Variants in SOX8 observed in about 807,000 individuals in gnomAD.
SOX8 encodes transcription factor SOX-8.
A neutral mutation model predicts 22.9 loss-of-function variants in SOX8; 9 were observed. The ratio of observed to expected loss-of-function variants is 0.39; its 90% CI spans 0.24 to 0.69. The LOEUF is 0.69. Among genes scored for constraint, SOX8 ranks in the 30% least tolerant of loss-of-function variants. The pLI is 0.43. For missense variants in SOX8, 734 were observed against 699.4 expected (o/e 1.05, Z -0.56); for synonymous variants, 416 against 330.6 (o/e 1.26, Z -2.80).
At chr16:982,460 C>G in intron 1 of SOX8, 116 bp downstream of exon 1, 1 of 1,110,202 alleles carries the variant, frequency 9.0e-7, no homozygotes, top group Non-Finnish European at 1.2e-6. Flanking sequence ...CACGCAGGCT[C>G]CGGGCTCTGC....
chr16:982,019 C>T lies in SOX8; in HGVS notation c.97C>T (p.Pro33Ser). The change falls in exon 1 of 3, where the codon CCG (proline) becomes TCG (serine). Residue 33 changes from proline (P) to serine (S), a missense_variant. Coordinates refer to ENST00000293894, the MANE Select transcript of SOX8 (RefSeq NM_014587.5). ...SHVEDSDSDAPPSPAGSEGLG... is the reference protein window; with the variant it reads ...SHVEDSDSDASPSPAGSEGLG... ...CGTGGAGGACTCGGACTCGGACGCG[C>T]CGCCGTCTCCCGCCGGCTCCGAGGG... The T allele has an allele frequency of 7.2e-7, 1 of 1,388,448 alleles. No homozygotes were observed. The highest frequency in any genetic ancestry group is 3.2e-5 in the East Asian group (1 of 31,500). The allele number at this position is 1,388,448 out of a possible 1,614,324, so 86.0% of individuals were successfully genotyped here.
rs1393811380 is a variant in SOX8, at chr16:985,200, C to T, written c.1155C>T (p.Asp385=). ...PFAGSQGDYG[D]LQASSYYGAY... is the part of the protein sequence containing the mutation. ...CCGGCTCACAGGGCGACTATGGCGA[C>T]CTGCAGGCCTCCAGCTACTATGGTG... The change falls in exon 3 of 3, where the codon GAC becomes GAT. Residue 385 remains aspartate (D), a synonymous_variant. Transcript: ENST00000293894. 3.7e-6 allele frequency: 6 copies of T among 1,611,696 alleles called. No individual in the cohort carries two copies. The highest frequency in any genetic ancestry group is 1.7e-5 in the Admixed American group (1 of 59,966).
chr16:985,511 A>G lies in SOX8; in HGVS notation c.*125A>G, dbSNP rs2073452291. On this transcript the variant is annotated 3_prime_UTR_variant, in exon 3 of 3. Transcript: ENST00000293894. ...CAAGTGCCTGCTGAAGTCTGCAGGG[A>G]AACACGCTTGCTGCCCGTGGCCCTC... 9 of 789,240 alleles carry G rather than the reference A, an allele frequency of 1.1e-5. No individual in the cohort carries two copies. The highest frequency in any genetic ancestry group is 1.7e-5 in the Non-Finnish European group (9 of 522,106). 48.9% of individuals were successfully genotyped at this position (789,240 alleles called of 1,614,324 possible).
Position 984,751 on chromosome 16 carries a change from C to G in SOX8, c.706C>G (p.Gln236Glu). Residue 236 changes from glutamine (Q) to glutamate (E), a missense_variant, in exon 3 of 3, where the codon CAG becomes GAG. Gln to Glu is a conservative substitution (Grantham distance 29, BLOSUM62 2). Around this residue, in one of 3 missense-constraint regions of SOX8, gnomAD observed 588 missense variants for 568.2 expected, o/e 1.03. Coordinates refer to ENST00000293894, the MANE Select transcript of SOX8 (RefSeq NM_014587.5). ...TPPTTPKTEL[Q>E]QAGAKPELKL... is the part of the protein sequence containing the mutation. The stretch of plus-strand genomic sequence containing the variant: ...GCCCACCACCCCCAAGACGGAGCTG[C>G]AGCAGGCGGGCGCCAAGCCGGAGCT... 1.3e-6 allele frequency: 2 copies of G among 1,581,826 alleles called. No homozygotes were observed. The highest frequency in any genetic ancestry group is 1.7e-6 in the Non-Finnish European group (2 of 1,164,956).
rs778796112 is a variant in SOX8 at position 985,078 on chromosome 16, C to T, written c.1033C>T (p.Pro345Ser). ...GCACATCAAGACGGAGCAGCCGAGC[C>T]CCGGCCACTACGGCGACCAGCCCCG... ...RPHIKTEQPSPGHYGDQPRGS... is the reference protein window; with the variant it reads ...RPHIKTEQPSSGHYGDQPRGS... The change falls in exon 3 of 3, where the codon CCC becomes TCC. Residue 345 changes from proline (P) to serine (S), a missense_variant. Pro to Ser is a moderately conservative substitution (Grantham distance 74, BLOSUM62 -1). This residue lies in a region of SOX8 where 588 missense variants were observed against 568.2 expected (regional missense o/e 1.03). Transcript: ENST00000293894. 4.4e-6 allele frequency: 7 copies of T among 1,589,028 alleles called. No individual in the cohort carries two copies. The South Asian group carries it at 7.8e-5, about 18-fold the overall frequency.
Position 985,500 on chromosome 16 carries a change from A to C in SOX8, c.*114A>C. On this transcript the variant is annotated 3_prime_UTR_variant, in exon 3 of 3. Transcript: ENST00000293894. ...TGGCTGAGCTCCAAGTGCCTGCTGA[A>C]GTCTGCAGGGAAACACGCTTGCTGC... The C allele has an allele frequency of 2.3e-6, 2 of 866,856 alleles. No individual in the cohort carries two copies. The highest frequency in any genetic ancestry group is 3.4e-6 in the Non-Finnish European group (2 of 588,780). 53.7% of individuals were successfully genotyped at this position (866,856 alleles called of 1,614,324 possible).
chr16:985,832 C>CG lies in SOX8; in HGVS notation c.*449dup. The CG allele has an allele frequency of 6.1e-6, 1 of 164,696 alleles. No homozygotes were observed. The highest frequency in any genetic ancestry group is 1.8e-4 in the East Asian group (1 of 5,596). The allele number at this position is 164,696 out of a possible 1,614,324, so 10.2% of individuals were successfully genotyped here. On this transcript the variant is annotated 3_prime_UTR_variant, in exon 3 of 3. Coordinates refer to ENST00000293894, the MANE Select transcript of SOX8 (RefSeq NM_014587.5). Reference sequence around the variant, plus strand: ...CCACATTCCCTCGACAACGGCTGCACGGGCTGTCCGGGATCCGGGGTGTCT... The same window carrying CG: ...CCACATTCCCTCGACAACGGCTGCACGGGGCTGTCCGGGATCCGGGGTGTCT...
At position 985,454 on chromosome 16, in the gene SOX8, C is replaced by A; in HGVS notation, c.*68C>A. 7.4e-7 allele frequency: 1 copy of A among 1,359,578 alleles called. No homozygotes were observed. The highest frequency in any genetic ancestry group is 9.8e-7 in the Non-Finnish European group (1 of 1,021,324). The allele number at this position is 1,359,578 out of a possible 1,614,324, so 84.2% of individuals were successfully genotyped here. ...CCTTGTCCCGGCCCAGTGTGTGTGACCAGGGCGGGAGGGGCCCCAGTGGCT... is the reference window on the plus strand; with the variant it reads ...CCTTGTCCCGGCCCAGTGTGTGTGAACAGGGCGGGAGGGGCCCCAGTGGCT... On this transcript the variant is annotated 3_prime_UTR_variant, in exon 3 of 3. Coordinates refer to ENST00000293894, the MANE Select transcript of SOX8 (RefSeq NM_014587.5).
At chr16:982,619 T>G in intron 1 of SOX8, 2 of 354,362 alleles carry the variant, frequency 5.6e-6, no homozygotes, top group Non-Finnish European at 1.0e-5. Flanking sequence ...CCAGTTCTCC[T>G]GGCGGGGAAC....
At position 982,123 on chromosome 16, in the gene SOX8, C is replaced by T. The variant is rs1289198148; in HGVS notation, c.201C>T (p.Cys67=). 2.1e-6 allele frequency: 3 copies of T among 1,418,802 alleles called. No individual in the cohort carries two copies. Among genetic ancestry groups the T allele is most frequent in the East Asian group, 6.1e-5 (2 of 32,998 alleles). 87.9% of individuals were successfully genotyped at this position (1,418,802 alleles called of 1,614,324 possible). A position where few individuals can be genotyped will look rare whatever the true frequency, so the allele number is the denominator to read the frequency against. ...CGGCGGACGAGCGCTTCCCGGCCTG[C>T]ATCCGCGACGCCGTGTCGCAGGTGC... ...AEAADERFPA[C]IRDAVSQVLK... Residue 67 remains cysteine (C), a synonymous_variant, in exon 1 of 3, where the codon TGC becomes TGT. Transcript: ENST00000293894.
Position 986,979 on chromosome 16 carries a change from A to C in SOX8, c.*1593A>C, listed in dbSNP as rs1237438578. The C allele has an allele frequency of 6.6e-6, 1 of 152,246 alleles. No homozygotes were observed. Among genetic ancestry groups the C allele is most frequent in the African/African-American group, 2.4e-5 (1 of 41,466 alleles). 9.4% of individuals were successfully genotyped at this position (152,246 alleles called of 1,614,324 possible). A position where few individuals can be genotyped will look rare whatever the true frequency, so the allele number is the denominator to read the frequency against. On this transcript the variant is annotated 3_prime_UTR_variant, in exon 3 of 3. Transcript: ENST00000293894. Reference sequence around the variant, plus strand: ...AAATTAAACAAAGTGCTTTTTATGGACGTGGGCTGCATTTTGTGTGTTGCT... The same window carrying C: ...AAATTAAACAAAGTGCTTTTTATGGCCGTGGGCTGCATTTTGTGTGTTGCT...
At position 983,858 on chromosome 16, in the gene SOX8, G is replaced by T; in HGVS notation, c.553G>T (p.Asp185Tyr). 1 of 1,612,450 alleles carries T rather than the reference G, an allele frequency of 6.2e-7. No homozygotes were observed. Reference protein sequence around the residue: ...RRKSAKAGHSDSDSGAELGPH... With the variant: ...RRKSAKAGHSYSDSGAELGPH... ...GAAGAGCGCCAAAGCCGGCCACAGC[G>T]ACTCCGACTCGGGCGCGGAGCTGGG... is the stretch of plus-strand genomic sequence containing the variant. Residue 185 changes from aspartate to tyrosine, a missense_variant, in exon 2 of 3, where the codon GAC becomes TAC. Around this residue, in one of 3 missense-constraint regions of SOX8, gnomAD observed 588 missense variants for 568.2 expected, o/e 1.03. Transcript: ENST00000293894.
Position 981,869 on chromosome 16 carries a change from G to T in SOX8, c.-54G>T, listed in dbSNP as rs2151518980. 2 of 1,104,220 alleles carry T rather than the reference G, an allele frequency of 1.8e-6. No individual in the cohort carries two copies. Among genetic ancestry groups the T allele is most frequent in the Non-Finnish European group, 1.1e-6 (1 of 901,550 alleles). 68.4% of individuals were successfully genotyped at this position (1,104,220 alleles called of 1,614,324 possible). On this transcript the variant is annotated 5_prime_UTR_variant, in exon 1 of 3. Coordinates refer to ENST00000293894, the MANE Select transcript of SOX8 (RefSeq NM_014587.5). ...CCCGGAGCGACCGCAGGGCAGCCCC[G>T]GGCGCCGGCCCCGGTGCGCGTCTCC...
rs1306624273 is a variant in SOX8 at position 982,158 on chromosome 16, A to G, written c.236A>G (p.Tyr79Cys). 4.0e-6 allele frequency: 6 copies of G among 1,490,674 alleles called. No homozygotes were observed. The highest frequency in any genetic ancestry group is 2.2e-5 in the Admixed American group (1 of 46,124). The allele number at this position is 1,490,674 out of a possible 1,614,324, so 92.3% of individuals were successfully genotyped here. ...RDAVSQVLKG[Y>C]DWSLVPMPVR... The stretch of plus-strand genomic sequence containing the variant: ...GCCGTGTCGCAGGTGCTCAAGGGCT[A>G]CGACTGGAGTCTGGTGCCCATGCCG... Residue 79 changes from tyrosine to cysteine, a missense_variant, in exon 1 of 3, where the codon TAC becomes TGC. Physicochemically the swap from Tyr to Cys is radical, Grantham distance 194 (BLOSUM62 -2). Around this residue, in one of 3 missense-constraint regions of SOX8, gnomAD observed 588 missense variants for 568.2 expected, o/e 1.03. Coordinates refer to ENST00000293894, the MANE Select transcript of SOX8 (RefSeq NM_014587.5).
chr16:985,845 A>G lies in SOX8; in HGVS notation c.*459A>G, dbSNP rs2073456715. On this transcript the variant is annotated 3_prime_UTR_variant, in exon 3 of 3. Transcript: ENST00000293894. ...ACAACGGCTGCACGGGCTGTCCGGG[A>G]TCCGGGGTGTCTGTCCGCAGACTGG... 1 of 162,464 alleles carries G rather than the reference A, an allele frequency of 6.2e-6. No individual in the cohort carries two copies. Among genetic ancestry groups the G allele is most frequent in the Non-Finnish European group, 1.3e-5 (1 of 75,482 alleles). 10.1% of individuals were successfully genotyped at this position (162,464 alleles called of 1,614,324 possible).
chr16:984,088 G>C (rs1437171442), intron 2 of SOX8, 128 bp downstream of exon 2: 5 of 876,254 alleles, frequency 5.7e-6, no homozygotes, highest in Admixed American at 6.7e-5. Flanking sequence ...CCTTCCCCGG[G>C]TTCCCTGAAA....
At chr16:982,864 C>T (rs2073414698) in intron 1 of SOX8, 1 of 152,956 alleles carries the variant, frequency 6.5e-6, no homozygotes, top group South Asian at 2.1e-4. Context: ...GCAGTTTCTC[C>T]CTCTCCTGGA....
In SOX8 at chr16:985,050, G is replaced by T; in HGVS notation, c.1005G>T (p.Arg335=). ...SASPTETGPP[R]PHIKTEQPSP... is the part of the protein sequence containing the mutation. ...CGCCCACCGAGACGGGTCCCCCACG[G>T]CCGCACATCAAGACGGAGCAGCCGA... Residue 335 remains arginine, a synonymous_variant, in exon 3 of 3, where the codon CGG becomes CGT. Transcript: ENST00000293894. The T allele has an allele frequency of 6.3e-7, 1 of 1,580,154 alleles. No homozygotes were observed. Among genetic ancestry groups the T allele is most frequent in the Non-Finnish European group, 8.5e-7 (1 of 1,170,944 alleles).
Position 981,966 on chromosome 16 carries a change from C to G in SOX8, c.44C>G (p.Pro15Arg), listed in dbSNP as rs2073392584. 3.5e-6 allele frequency: 5 copies of G among 1,439,272 alleles called. No individual in the cohort carries two copies. The highest frequency in any genetic ancestry group is 3.1e-5 in the East Asian group (1 of 32,364). The allele number at this position is 1,439,272 out of a possible 1,614,324, so 89.2% of individuals were successfully genotyped here. Residue 15 changes from proline to arginine, a missense_variant, in exon 1 of 3, where the codon CCG becomes CGG. Around this residue, in one of 3 missense-constraint regions of SOX8, gnomAD observed 139 missense variants for 109.1 expected, o/e 1.27. Transcript: ENST00000293894. ...SEARSQPPCS[P>R]SGTASSMSHV... ...GCCCGCTCCCAGCCGCCCTGCAGCC[C>G]GTCCGGCACCGCCAGCTCCATGTCG... is the stretch of plus-strand genomic sequence containing the variant.
Sources: allele counts gnomAD v4.1 joint callset, GRCh38; gene constraint gnomAD v4.1.1; regional missense constraint gnomAD v4.1.1; transcripts MANE v1.5; gene names NCBI Gene and HGNC (gene_info 2026-07-23, HGNC 2026-07-21).